The following DCDC2 variants were observed in gnomAD, a reference collection of about 807,000 sequenced individuals.
DCDC2 encodes doublecortin domain-containing protein 2.
In DCDC2, 40 loss-of-function variants were observed where a neutral mutation model predicts 50.2. That is an observed-to-expected ratio of 0.80 (90% confidence interval 0.62 to 1.04). The LOEUF (loss-of-function observed/expected upper bound fraction) is 1.04. Ranked by LOEUF, DCDC2 falls within the 50% of genes least tolerant of loss-of-function variation. DCDC2 has a pLI of 0.00. For missense variants in DCDC2, 570 were observed against 581.9 expected, an observed-to-expected ratio of 0.98 and a Z score of 0.21; for synonymous variants, 234 against 210.6, an observed-to-expected ratio of 1.11 and a Z score of -0.96.
chr6:24,217,028 C>T (rs536413850), intron 7 of DCDC2, among the ~76,000 whole-genome samples: 16 of 152,156 alleles, frequency 1.1e-4, no homozygotes, highest in African/African-American at 3.1e-4. Context: ...TCTACTTGCA[C>T]GCCTGAATGA....
At chr6:24,295,484 G>A (rs1272956482) in intron 4 of DCDC2, among the ~76,000 whole-genome samples, 2 of 152,082 alleles carry the variant, frequency 1.3e-5, no homozygotes, top group Non-Finnish European at 1.5e-5. Context: ...CATCAGGCAA[G>A]ACAAAGAATT....
chr6:24,318,796 T>C (rs1035188994), intron 2 of DCDC2, among the ~76,000 whole-genome samples: 1 of 152,032 alleles, frequency 6.6e-6, no homozygotes, highest in South Asian at 2.1e-4. Flanking sequence ...TGTGTGTGTG[T>C]GTGTATTATA....
chr6:24,261,171 C>T (rs1277428046), intron 7 of DCDC2, among the ~76,000 whole-genome samples: 2 of 149,218 alleles, frequency 1.3e-5, no homozygotes, highest in African/African-American at 4.9e-5. Flanking sequence ...TCTCCATATC[C>T]TTCATTAAGT....
intron 7 of DCDC2, among the ~76,000 whole-genome samples, chr6:24,220,741 G>A (rs1218260633): frequency 6.6e-6 from 1 of 152,174 alleles, no homozygotes; most frequent in Non-Finnish European, 1.5e-5. Flanking sequence ...AATTTATAAA[G>A]AAGAAAAGAG....
At chr6:24,312,135 G>A (rs571123649) in intron 2 of DCDC2, among the ~76,000 whole-genome samples, 21 of 45,476 alleles carry the variant, frequency 4.6e-4, no homozygotes, top group Admixed American at 6.6e-4. Flanking sequence ...CCCCACCCCC[G>A]CCTGCAAGAG....
chr6:24,377,180 T>C, the DCDC2 span, among the ~76,000 whole-genome samples: 1 of 152,216 alleles, frequency 6.6e-6, no homozygotes, highest in African/African-American at 2.4e-5. Flanking sequence ...CACAGTCCGC[T>C]GGGAACAAAA....
intron 7 of DCDC2, among the ~76,000 whole-genome samples, chr6:24,213,831 A>G (rs1297500784): frequency 1.3e-4 from 20 of 152,224 alleles, no homozygotes. Context: ...GTCACAACTT[A>G]TATAATACCC....
chr6:24,312,293 T>C (rs1022711509), intron 2 of DCDC2, among the ~76,000 whole-genome samples: 1 of 152,134 alleles, frequency 6.6e-6, no homozygotes, highest in African/African-American at 2.4e-5. Flanking sequence ...CAAAGCCTGT[T>C]TGGTGGTCTC....
intron 7 of DCDC2, among the ~76,000 whole-genome samples, chr6:24,259,348 G>GA (rs897116321): frequency 3.3e-5 from 5 of 152,280 alleles, no homozygotes; most frequent in Admixed American, 2.6e-4. Flanking sequence ...TACGAAAAAT[G>GA]AAAGTTTTGT....
At chr6:24,265,797 T>G (rs922388485) in intron 7 of DCDC2, among the ~76,000 whole-genome samples, 1 of 148,400 alleles carries the variant, frequency 6.7e-6, no homozygotes, top group African/African-American at 2.5e-5. Context: ...AGTGCCTACA[T>G]CAAAAAAGTA....
chr6:24,238,560 A>G (rs546049380), intron 7 of DCDC2, among the ~76,000 whole-genome samples: 3 of 151,978 alleles, frequency 2.0e-5, no homozygotes, highest in Non-Finnish European at 4.4e-5. Flanking sequence ...CAGCCTCCCA[A>G]AGTGCTGGGA....
chr6:24,197,992 T>C (rs1761483523), intron 8 of DCDC2, among the ~76,000 whole-genome samples: 1 of 152,176 alleles, frequency 6.6e-6, no homozygotes, highest in Non-Finnish European at 1.5e-5. Flanking sequence ...ACTTAGTCCA[T>C]TCTATAAGCA....
chr6:24,342,369 T>C (rs1760173247), intron 2 of DCDC2, among the ~76,000 whole-genome samples: 1 of 152,222 alleles, frequency 6.6e-6, no homozygotes, highest in African/African-American at 2.4e-5. Context: ...TTTATTTGCA[T>C]GGAAGAACTC....
chr6:24,261,851 A>G (rs559749783), intron 7 of DCDC2, among the ~76,000 whole-genome samples: 1 of 152,312 alleles, frequency 6.6e-6, no homozygotes, highest in Non-Finnish European at 1.5e-5. Context: ...TCAATGAAGT[A>G]GCCCATTCAA....
At position 24,172,724 on chromosome 6, in the gene DCDC2, T is replaced by G. The variant is rs1760809501; in HGVS notation, c.*2006A>C. The G allele has an allele frequency of 6.6e-6, 1 of 152,148 alleles. No homozygotes were observed. Among genetic ancestry groups the G allele is most frequent in the Non-Finnish European group, 1.5e-5 (1 of 68,026 alleles). The allele number at this position is 152,148 out of a possible 1,614,324, so 9.4% of individuals were successfully genotyped here. On this transcript the variant is annotated 3_prime_UTR_variant, in exon 10 of 10. Transcript: ENST00000378454. ...AAAGACCAACTGGGACCGGGTGCTG[T>G]GGCTCACACCTGTAATCCCAGCATT...
At position 24,353,379 on chromosome 6, in the gene DCDC2, T is replaced by C. The variant is rs75635056; in HGVS notation, c.348+190A>G. The C allele has an allele frequency of 0.018, 11,463 of 647,710 alleles. 235 individuals are homozygous for C. The highest frequency in any genetic ancestry group is 0.067 in the African/African-American group (3,694 of 55,030). The allele number at this position is 647,710 out of a possible 1,614,324, so 40.1% of individuals were successfully genotyped here. A position where few individuals can be genotyped will look rare whatever the true frequency, so the allele number is the denominator to read the frequency against. On this transcript the variant is annotated intron_variant, in intron 2 of 9. Transcript: ENST00000378454. ...GACATATCCTGCACATCTTAGAACATCTACTCAGTCTTTTCATTTCTGACA... is the reference window on the plus strand; with the variant it reads ...GACATATCCTGCACATCTTAGAACACCTACTCAGTCTTTTCATTTCTGACA...
At chr6:24,308,637 A>G (rs1244564904) in intron 2 of DCDC2, among the ~76,000 whole-genome samples, 1 of 152,362 alleles carries the variant, frequency 6.6e-6, no homozygotes, top group East Asian at 1.9e-4. Context: ...AAATTAGCAA[A>G]TAAGGATTTT....
intron 4 of DCDC2, 101 bp from the exon 5 acceptor site, chr6:24,291,179 A>G (rs913676653): frequency 7.7e-5 from 91 of 1,181,636 alleles, no homozygotes; most frequent in Non-Finnish European, 9.5e-5. Context: ...TTAAAATTAC[A>G]TAGTAAATAA....
chr6:24,361,938 A>C (rs1178684430), upstream of DCDC2, among the ~76,000 whole-genome samples: 1 of 152,096 alleles, frequency 6.6e-6, no homozygotes, highest in Non-Finnish European at 1.5e-5. Context: ...GGCTTTTAGG[A>C]GGGAAGAGAA....
Sources: allele counts gnomAD v4.1 joint callset (sites outside exome capture counted in the v4.1 genomes callset), GRCh38; gene constraint gnomAD v4.1.1; transcripts MANE v1.5; gene names NCBI Gene and HGNC (gene_info 2026-07-23, HGNC 2026-07-21).